The following KCNN3 variants were observed in gnomAD, a reference collection of about 807,000 sequenced individuals.
KCNN3 encodes small conductance calcium-activated potassium channel protein 3.
Under a neutral mutation model 62.9 loss-of-function variants are expected in KCNN3, and 16 were observed. The ratio of observed to expected loss-of-function variants is 0.25; its 90% CI spans 0.17 to 0.39. The LOEUF is 0.39. Among genes scored for constraint, KCNN3 ranks in the 10% least tolerant of loss-of-function variants. The pLI is 1.00. For missense variants in KCNN3, 599 were observed against 949.4 expected (o/e 0.63, Z 4.85); for synonymous variants, 370 against 389.2 (o/e 0.95, Z 0.58).
intron 3 of KCNN3, among the ~76,000 whole-genome samples, chr1:154,741,836 C>G (rs1700827725): frequency 1.3e-5 from 2 of 152,168 alleles, no homozygotes; most frequent in African/African-American, 4.8e-5. Context: ...CTGCAGAACT[C>G]CAAAGCAGCC....
intron 3 of KCNN3, among the ~76,000 whole-genome samples, chr1:154,760,872 G>A (rs543539043): frequency 6.6e-6 from 1 of 152,268 alleles, no homozygotes; most frequent in Non-Finnish European, 1.5e-5. Context: ...AAGCACTCCG[G>A]CCCCGCAAAG....
intron 7 of KCNN3, 99 bp downstream of exon 7, chr1:154,713,365 C>T (rs886929905): frequency 3.0e-5 from 28 of 940,848 alleles, no homozygotes; most frequent in Non-Finnish European, 4.7e-5. Flanking sequence ...TGCCTGGTCC[C>T]GCGCTGTCCA....
At chr1:154,780,385 C>T (rs1426980469) in intron 2 of KCNN3, among the ~76,000 whole-genome samples, 3 of 150,248 alleles carry the variant, frequency 2.0e-5, no homozygotes, top group Non-Finnish European at 4.4e-5. Flanking sequence ...TTCTGACCAA[C>T]CTGAAAAACT....
At chr1:154,833,891 A>C (rs1018376914) in intron 1 of KCNN3, among the ~76,000 whole-genome samples, 4 of 152,240 alleles carry the variant, frequency 2.6e-5, no homozygotes, top group Admixed American at 6.5e-5. Flanking sequence ...TTGGCTTAAC[A>C]ATACAAAAGC....
Position 154,705,562 on chromosome 1 carries a change from G to T in KCNN3, c.*2414C>A, listed in dbSNP as rs1699951158. On this transcript the variant is annotated 3_prime_UTR_variant, in exon 8 of 8. Coordinates refer to ENST00000271915, the MANE Select transcript of KCNN3 (RefSeq NM_002249.6). ...CTAGTGTTGCTAGTTTGGTCTTTAG[G>T]GTTTACCTAAGTGAGAGCATCAATG... 1 of 151,948 alleles carries T rather than the reference G, an allele frequency of 6.6e-6. No individual in the cohort carries two copies. Among genetic ancestry groups the T allele is most frequent in the Non-Finnish European group, 1.5e-5 (1 of 67,992 alleles). 9.4% of individuals were successfully genotyped at this position (151,948 alleles called of 1,614,324 possible).
At chr1:154,730,192 AT>A (rs1200776779) in intron 4 of KCNN3, among the ~76,000 whole-genome samples, 2 of 152,232 alleles carry the variant, frequency 1.3e-5, no homozygotes, top group Admixed American at 1.3e-4. Context: ...CTGGACTTTA[AT>A]GTAGCTGCTT....
chr1:154,770,217 G>C (rs1648483252), intron 3 of KCNN3, among the ~76,000 whole-genome samples: 1 of 152,228 alleles, frequency 6.6e-6, no homozygotes, highest in Non-Finnish European at 1.5e-5. Flanking sequence ...CTGGGGCTCT[G>C]TGTGTGAGAA....
chr1:154,818,455 A>G (rs1038552460), intron 2 of KCNN3, among the ~76,000 whole-genome samples: 10 of 152,226 alleles, frequency 6.6e-5, no homozygotes, highest in African/African-American at 2.4e-4. Flanking sequence ...TGGACACTAC[A>G]GTTTAAACGT....
intron 3 of KCNN3, among the ~76,000 whole-genome samples, chr1:154,746,302 G>A (rs906280): frequency 0.87 from 132,837 of 152,222 alleles, 58,254 homozygotes; most frequent in East Asian, 1. Context: ...GGGGACACAC[G>A]GCTATCTCAG....
At chr1:154,836,162 A>T (rs1211014457) in intron 1 of KCNN3, among the ~76,000 whole-genome samples, 1 of 152,232 alleles carries the variant, frequency 6.6e-6, no homozygotes, top group Non-Finnish European at 1.5e-5. Context: ...AAAAATATGC[A>T]AACAAGGACA....
At chr1:154,861,747 C>T (rs1426179161) in intron 1 of KCNN3, among the ~76,000 whole-genome samples, 1 of 152,206 alleles carries the variant, frequency 6.6e-6, no homozygotes, top group African/African-American at 2.4e-5. Flanking sequence ...TGTCTGACAC[C>T]CCTAAGAACA....
intron 2 of KCNN3, among the ~76,000 whole-genome samples, chr1:154,789,503 A>T (rs1447129429): frequency 1.3e-5 from 2 of 152,100 alleles, no homozygotes; most frequent in Admixed American, 1.3e-4. Context: ...AATCTTCCTA[A>T]CAATCCTAGG....
chr1:154,847,276 G>A (rs1652112063), intron 1 of KCNN3, among the ~76,000 whole-genome samples: 1 of 151,878 alleles, frequency 6.6e-6, no homozygotes, highest in South Asian at 2.1e-4. Flanking sequence ...GAGCCAGCGT[G>A]AATATCAGGT....
At chr1:154,728,633 GAGAGGAGAAAAGAGAAGAGA>G (rs766458415) in intron 4 of KCNN3, among the ~76,000 whole-genome samples, 55 of 151,420 alleles carry the variant, frequency 3.6e-4, no homozygotes, top group Admixed American at 1.6e-3. Context: ...GAGGGGAGGA[GAGAGGAGAAAAGAGAAGAGA>G]AGAGGAGAAA....
intron 2 of KCNN3, among the ~76,000 whole-genome samples, chr1:154,817,286 G>A (rs1650706161): frequency 6.6e-6 from 1 of 152,188 alleles, no homozygotes; most frequent in Non-Finnish European, 1.5e-5. Context: ...AAGACAAGAT[G>A]GTGGATCCTG....
chr1:154,782,551 TA>T (rs1368065070), intron 2 of KCNN3, among the ~76,000 whole-genome samples: 1 of 152,170 alleles, frequency 6.6e-6, no homozygotes, highest in African/African-American at 2.4e-5. Flanking sequence ...TATTTAAACT[TA>T]ATTACCTCCC....
intron 1 of KCNN3, among the ~76,000 whole-genome samples, chr1:154,829,389 A>G (rs1389406457): frequency 1.3e-5 from 2 of 152,196 alleles, no homozygotes; most frequent in East Asian, 3.8e-4. Context: ...GCCTGAGCCC[A>G]CTGTGTGGGT....
intron 3 of KCNN3, among the ~76,000 whole-genome samples, chr1:154,767,343 T>C (rs185541379): frequency 4.6e-4 from 70 of 152,304 alleles, no homozygotes; most frequent in African/African-American, 1.5e-3. Context: ...GACAGCCTGT[T>C]GCAGAATTTG....
At chr1:154,721,507 G>A (rs368891571) in intron 5 of KCNN3, among the ~76,000 whole-genome samples, 74 of 152,014 alleles carry the variant, frequency 4.9e-4, no homozygotes, top group East Asian at 1.5e-3. Flanking sequence ...CACCATGTTC[G>A]CCAGGCTAGT....
Sources: gnomAD v4.1 joint callset for allele counts (sites outside exome capture counted in the v4.1 genomes callset) on GRCh38, gnomAD v4.1.1 for gene constraint, MANE v1.5 for transcripts, NCBI Gene and HGNC (gene_info 2026-07-23, HGNC 2026-07-21) for gene names.